The following PLVAP variants were observed in gnomAD, a reference collection of about 807,000 sequenced individuals.
The protein encoded by PLVAP is plasmalemma vesicle associated protein.
Under a neutral mutation model 43.1 loss-of-function variants are expected in PLVAP, and 34 were observed. The observed-to-expected ratio is 0.79, with a 90% CI of 0.60 to 1.05. The LOEUF (loss-of-function observed/expected upper bound fraction) is 1.05. Ranked by LOEUF, PLVAP falls within the 50% of genes least tolerant of loss-of-function variation. The probability of loss-of-function intolerance (pLI) is 0.00; values close to 1 mark genes in which losing one functional copy is unlikely to be tolerated. For synonymous variants in PLVAP, 241 were observed against 237.3 expected, an observed-to-expected ratio of 1.02 and a Z score of -0.14; for missense variants, 574 against 593.4, an observed-to-expected ratio of 0.97 and a Z score of 0.34.
At chr19:17,367,574 A>G (rs1261336792) in intron 1 of PLVAP, among the ~76,000 whole-genome samples, 1 of 152,006 alleles carries the variant, frequency 6.6e-6, no homozygotes, top group East Asian at 1.9e-4. Context: ...TTTTTAGTAG[A>G]GATGGGGTTT....
rs1000245140 is a variant in PLVAP, at chr19:17,376,849, A to T, written c.369+71T>A. 4.9e-6 allele frequency: 7 copies of T among 1,419,314 alleles called. No homozygotes were observed. The African/African-American group carries it at 5.7e-5, about 12-fold the overall frequency. 87.9% of individuals were successfully genotyped at this position (1,419,314 alleles called of 1,614,324 possible). On this transcript the variant is annotated intron_variant, in intron 1 of 5. Coordinates refer to ENST00000252590, the MANE Select transcript of PLVAP (RefSeq NM_031310.3). ...GATCGTCCCCCTCTCTTGGATGAGG[A>T]AACTCAGGCTCAGAGAGGTGAGGGG...
chr19:17,357,184 A>T (rs1262653849), intron 5 of PLVAP, among the ~76,000 whole-genome samples: 1 of 150,568 alleles, frequency 6.6e-6, no homozygotes, highest in Non-Finnish European at 1.5e-5. Context: ...AATCCCAGCT[A>T]CTCAGGAGGC....
chr19:17,370,849 G>T (rs2074569364), intron 1 of PLVAP, among the ~76,000 whole-genome samples: 1 of 152,054 alleles, frequency 6.6e-6, no homozygotes, highest in Non-Finnish European at 1.5e-5. Context: ...GAGGTCAGGA[G>T]ATCTAGACCA....
intron 1 of PLVAP, among the ~76,000 whole-genome samples, chr19:17,373,130 A>AGG (rs35794385): frequency 7.0e-6 from 1 of 142,262 alleles, no homozygotes; most frequent in Admixed American, 7.2e-5. Flanking sequence ...TTCAGGTCTG[A>AGG]GAGGGGAGGC....
intron 1 of PLVAP, among the ~76,000 whole-genome samples, chr19:17,372,081 TAAA>T (rs368346030): frequency 2.1e-5 from 2 of 96,966 alleles, no homozygotes; most frequent in Non-Finnish European, 2.1e-5. Context: ...ACCATGTCTC[TAAA>T]AAAAAAAAAA....
chr19:17,352,646 TCA>T (rs964687773), intron 5 of PLVAP, among the ~76,000 whole-genome samples: 2 of 152,092 alleles, frequency 1.3e-5, no homozygotes, highest in African/African-American at 4.8e-5. Context: ...AGACTGAGAT[TCA>T]GAGTGGCCAC....
chr19:17,375,634 C>A (rs2145728535), intron 1 of PLVAP, among the ~76,000 whole-genome samples: 1 of 152,090 alleles, frequency 6.6e-6, no homozygotes, highest in Non-Finnish European at 1.5e-5. Flanking sequence ...GTAATCCCAG[C>A]ACTATGGGAG....
intron 1 of PLVAP, among the ~76,000 whole-genome samples, chr19:17,367,199 C>G (rs1176876745): frequency 2.6e-5 from 4 of 151,660 alleles, no homozygotes; most frequent in Non-Finnish European, 4.4e-5. Flanking sequence ...ACTGCCAGGG[C>G]CTCCCAGCCC....
intron 3 of PLVAP, 63 bp downstream of exon 3, chr19:17,365,223 A>G: frequency 6.8e-7 from 1 of 1,480,658 alleles, no homozygotes. Flanking sequence ...TCAAATCGCC[A>G]CCACCCTCTT....
chr19:17,366,804 T>G (rs1246834541), intron 1 of PLVAP, among the ~76,000 whole-genome samples: 1 of 151,832 alleles, frequency 6.6e-6, no homozygotes, highest in Non-Finnish European at 1.5e-5. Context: ...GCTAATTTGT[T>G]TTTTTGTTTT....
intron 1 of PLVAP, among the ~76,000 whole-genome samples, chr19:17,371,431 C>G (rs543552024): frequency 1.3e-5 from 2 of 152,080 alleles, no homozygotes; most frequent in South Asian, 4.2e-4. Flanking sequence ...CCTTGACTTC[C>G]CAAAGTGCTG....
chr19:17,354,755 G>A (rs1303695557), intron 5 of PLVAP, among the ~76,000 whole-genome samples: 7 of 151,534 alleles, frequency 4.6e-5, no homozygotes, highest in South Asian at 2.1e-4. Flanking sequence ...AAAATTAACC[G>A]GGCGTGGTGG....
At chr19:17,359,955 C>T (rs1179396411) in intron 5 of PLVAP, among the ~76,000 whole-genome samples, 1 of 152,196 alleles carries the variant, frequency 6.6e-6, no homozygotes, top group Non-Finnish European at 1.5e-5. Context: ...CCCCGTCCAG[C>T]CTCCAGGCCT....
chr19:17,363,411 C>T (rs1277637007), intron 3 of PLVAP, among the ~76,000 whole-genome samples: 1 of 152,174 alleles, frequency 6.6e-6, no homozygotes, highest in Admixed American at 6.6e-5. Context: ...AGGTGATCCG[C>T]CCACATTGGC....
chr19:17,363,559 C>A (rs966925296), intron 3 of PLVAP, among the ~76,000 whole-genome samples: 1 of 42,842 alleles, frequency 2.3e-5, no homozygotes, highest in Admixed American at 3.1e-4. Context: ...CTCCCTTCCA[C>A]CCTTTCCCAT....
At chr19:17,375,618 A>G (rs147137774) in intron 1 of PLVAP, among the ~76,000 whole-genome samples, 5,571 of 152,060 alleles carry the variant, frequency 0.037, 198 homozygotes, top group East Asian at 0.14. Flanking sequence ...ACGGTGGCTC[A>G]TGCCTGTAAT....
At position 17,365,659 on chromosome 19, in the gene PLVAP, C is replaced by T. The variant is rs756372237; in HGVS notation, c.806G>A (p.Arg269His). The change falls in exon 3 of 6, where the codon CGC becomes CAC. Residue 269 changes from arginine (R) to histidine (H), a missense_variant. Arg to His is a conservative substitution (Grantham distance 29). Transcript: ENST00000252590. The stretch of plus-strand genomic sequence containing the variant: ...GCTGGGCATGTGGTCGCAGGCTCTG[C>T]GGATGGAGGCCAATTCCGAGCCCAG... ...HPLGSELASI[R>H]RACDHMPSLM... The T allele has an allele frequency of 1.4e-5, 22 of 1,613,644 alleles. No homozygotes were observed. Among genetic ancestry groups the T allele is most frequent in the East Asian group, 4.5e-5 (2 of 44,888 alleles).
chr19:17,371,159 TTTATTA>T (rs985987114), intron 1 of PLVAP, among the ~76,000 whole-genome samples: 1 of 151,520 alleles, frequency 6.6e-6, no homozygotes, highest in Non-Finnish European at 1.5e-5. Flanking sequence ...TTAAAAATTA[TTTATTA>T]TTATTATTAT....
chr19:17,352,041 G>T lies in PLVAP; in HGVS notation c.*321C>A. 1 of 419,288 alleles carries T rather than the reference G, an allele frequency of 2.4e-6. No individual in the cohort carries two copies. Among genetic ancestry groups the T allele is most frequent in the Non-Finnish European group, 4.4e-6 (1 of 227,806 alleles). 26.0% of individuals were successfully genotyped at this position (419,288 alleles called of 1,614,324 possible). On this transcript the variant is annotated 3_prime_UTR_variant, in exon 6 of 6. Coordinates refer to ENST00000252590, the MANE Select transcript of PLVAP (RefSeq NM_031310.3). ...TCCCCATGTCTGTGTGCGACGTGCT[G>T]CATCTGCACGACGCCATCGCTATAT...
Sources: allele counts gnomAD v4.1 joint callset (sites outside exome capture counted in the v4.1 genomes callset), GRCh38; gene constraint gnomAD v4.1.1; transcripts MANE v1.5; gene names NCBI Gene and HGNC (gene_info 2026-07-23, HGNC 2026-07-21).